The following RSF1 variants were observed in gnomAD, a reference collection of about 807,000 sequenced individuals.
RSF1 encodes the protein remodeling and spacing factor 1.
Under a neutral mutation model 145.2 loss-of-function variants are expected in RSF1, and 13 were observed. That is an observed-to-expected ratio of 0.09 (90% confidence interval 0.06 to 0.14). The LOEUF (loss-of-function observed/expected upper bound fraction) is 0.14. Among genes scored for constraint, RSF1 ranks in the 10% least tolerant of loss-of-function variants. RSF1 has a pLI of 1.00. For synonymous variants in RSF1, 577 were observed against 592.6 expected (o/e 0.97, Z 0.38); for missense variants, 1,517 against 1,718.2 (o/e 0.88, Z 2.07).
chr11:77,812,884 CA>C (rs71046910), intron 1 of RSF1, among the ~76,000 whole-genome samples: 31,074 of 110,460 alleles, frequency 0.28, 3,546 homozygotes, highest in South Asian at 0.46. Flanking sequence ...AGCTCCATCT[CA>C]AAAAAAAAAA....
upstream of RSF1, among the ~76,000 whole-genome samples, chr11:77,822,354 G>A (rs1948950677): frequency 2.1e-5 from 3 of 142,160 alleles, no homozygotes; most frequent in Admixed American, 1.5e-4. Context: ...GGCGAAGGTT[G>A]CAGTGAGTCG....
intron 11 of RSF1, among the ~76,000 whole-genome samples, chr11:77,679,592 G>C (rs1959802661): frequency 1.3e-5 from 2 of 151,434 alleles, no homozygotes; most frequent in South Asian, 4.2e-4. Context: ...AGGATTGCTT[G>C]AGCCCAAGAG....
At chr11:77,788,128 G>A (rs1290510721) in intron 1 of RSF1, among the ~76,000 whole-genome samples, 1 of 59,624 alleles carries the variant, frequency 1.7e-5, no homozygotes, top group Non-Finnish European at 3.3e-5. Flanking sequence ...GGCAACCAGA[G>A]TGAGACACTA....
intron 9 of RSF1, among the ~76,000 whole-genome samples, chr11:77,686,607 C>T (rs909857324): frequency 1.3e-5 from 2 of 151,814 alleles, no homozygotes; most frequent in Admixed American, 6.6e-5. Context: ...TTTTAGAGTG[C>T]AGCCTTTAGT....
the RSF1 span, chr11:77,869,771 G>T: frequency 1.6e-5 from 26 of 1,614,020 alleles, no homozygotes; most frequent in Non-Finnish European, 2.2e-5. Flanking sequence ...GTTGAGAAGG[G>T]TGTACAGACT....
intron 5 of RSF1, chr11:77,703,077 T>A (rs1038691902): frequency 6.6e-6 from 1 of 152,192 alleles, no homozygotes; most frequent in Non-Finnish European, 1.5e-5. Context: ...CATTGAAACA[T>A]TGGCACTTTC....
chr11:77,845,372 T>C, the RSF1 span, among the ~76,000 whole-genome samples: 1 of 152,306 alleles, frequency 6.6e-6, no homozygotes, highest in South Asian at 2.1e-4. Flanking sequence ...GTTGAGCCCC[T>C]GTAGTGACAT....
rs753156309 is a variant in RSF1 at position 77,702,147 on chromosome 11, T to C, written c.1082A>G (p.His361Arg). The change falls in exon 6 of 16, where the codon CAC (histidine) becomes CGC (arginine). Residue 361 changes from histidine to arginine, a missense_variant. Physicochemically the swap from His to Arg is conservative, Grantham distance 29. Transcript: ENST00000308488. The stretch of plus-strand genomic sequence containing the variant: ...TTCAGTAGATTTCTCAGTAATTTCG[T>C]GAGAAGATTTAATATTGCCACCAAA... ...IEFGGNIKSS[H>R]EITEKSTEET... 4 of 1,613,928 alleles carry C rather than the reference T, an allele frequency of 2.5e-6. No individual in the cohort carries two copies. The highest frequency in any genetic ancestry group is 3.3e-5 in the Admixed American group (2 of 60,008).
the RSF1 span, among the ~76,000 whole-genome samples, chr11:77,861,786 G>A: frequency 1.5e-4 from 23 of 152,274 alleles, no homozygotes; most frequent in Admixed American, 1.1e-3. Context: ...GACTAAAGCG[G>A]TGGCCTTTTT....
chr11:77,863,022 G>A, the RSF1 span, among the ~76,000 whole-genome samples: 1 of 152,188 alleles, frequency 6.6e-6, no homozygotes, highest in African/African-American at 2.4e-5. Context: ...CTCCTAATGT[G>A]GTGGTGGGCC....
intron 9 of RSF1, among the ~76,000 whole-genome samples, chr11:77,690,456 C>T (rs1590831434): frequency 6.6e-6 from 1 of 152,000 alleles, no homozygotes; most frequent in Non-Finnish European, 1.5e-5. Flanking sequence ...TTTATTTATT[C>T]ATTTATTTAT....
At chr11:77,759,575 T>C (rs533558563) in intron 2 of RSF1, among the ~76,000 whole-genome samples, 1 of 152,034 alleles carries the variant, frequency 6.6e-6, no homozygotes, top group South Asian at 2.1e-4. Context: ...TCCCAACTAC[T>C]CAGGAGGCTG....
chr11:77,660,426 C>T lies in RSF1; in HGVS notation c.*6491G>A, dbSNP rs1352802921. On this transcript the variant is annotated 3_prime_UTR_variant, in exon 16 of 16. Coordinates refer to ENST00000308488, the MANE Select transcript of RSF1 (RefSeq NM_016578.4). ...TCTTCCCTGCCCCCCCACCCCCACA[C>T]ACATGCAGTACATTATGTGACAGAG... is the stretch of plus-strand genomic sequence containing the variant. 6.7e-6 allele frequency: 1 copy of T among 149,892 alleles called. No homozygotes were observed. The highest frequency in any genetic ancestry group is 1.5e-5 in the Non-Finnish European group (1 of 67,444). The allele number at this position is 149,892 out of a possible 1,614,324, so 9.3% of individuals were successfully genotyped here.
At chr11:77,751,737 A>G (rs1330151360) in intron 2 of RSF1, among the ~76,000 whole-genome samples, 2 of 151,060 alleles carry the variant, frequency 1.3e-5, no homozygotes, top group African/African-American at 4.9e-5. Context: ...CATTCCTCCC[A>G]CTCCTCTCCC....
the RSF1 span, among the ~76,000 whole-genome samples, chr11:77,858,754 G>C: frequency 5.3e-5 from 8 of 152,180 alleles, no homozygotes; most frequent in African/African-American, 9.7e-5. Flanking sequence ...GGATGCCTTT[G>C]ATGTCATTAA....
the RSF1 span, among the ~76,000 whole-genome samples, chr11:77,826,754 T>G: frequency 2.0e-5 from 3 of 152,190 alleles, no homozygotes; most frequent in African/African-American, 7.2e-5. Context: ...TAACATGAAC[T>G]ATGGAAACTC....
chr11:77,816,039 T>C (rs986509427), intron 1 of RSF1, among the ~76,000 whole-genome samples: 1 of 152,204 alleles, frequency 6.6e-6, no homozygotes, highest in Non-Finnish European at 1.5e-5. Context: ...CAAACCTCCG[T>C]AACTTTACTC....
chr11:77,843,977 C>T, the RSF1 span, among the ~76,000 whole-genome samples: 233 of 152,202 alleles, frequency 1.5e-3, no homozygotes, highest in South Asian at 6.5e-3. Context: ...TTCACTATCA[C>T]GAGAGCAGCA....
the RSF1 span, among the ~76,000 whole-genome samples, chr11:77,841,530 T>C: frequency 6.6e-6 from 1 of 151,936 alleles, no homozygotes; most frequent in African/African-American, 2.4e-5. Flanking sequence ...TACAGGGGAG[T>C]GCGTTCAAAG....
Sources: gnomAD v4.1 joint callset for allele counts (sites outside exome capture counted in the v4.1 genomes callset) on GRCh38, gnomAD v4.1.1 for gene constraint, MANE v1.5 for transcripts, NCBI Gene and HGNC (gene_info 2026-07-23, HGNC 2026-07-21) for gene names.